Variants in ROBO2 observed in about 807,000 individuals in gnomAD.
The protein encoded by ROBO2 is roundabout homolog 2.
A neutral mutation model predicts 160.8 loss-of-function variants in ROBO2; 53 were observed. The ratio of observed to expected loss-of-function variants is 0.33; its 90% CI spans 0.26 to 0.41. ROBO2 has a LOEUF of 0.41. Among genes scored for constraint, ROBO2 ranks in the 10% least tolerant of loss-of-function variants. ROBO2 has a pLI of 1.00. For missense variants in ROBO2, 1,577 were observed against 1,722.4 expected (o/e 0.92, Z 1.49); for synonymous variants, 664 against 611.7 (o/e 1.09, Z -1.26).
At chr3:76,316,164 C>T (rs751270006) in intron 2 of ROBO2, among the ~76,000 whole-genome samples, 48 of 152,242 alleles carry the variant, frequency 3.2e-4, no homozygotes, top group Non-Finnish European at 6.9e-4. Flanking sequence ...TAACAGGAAA[C>T]AGGGTTCGAG....
At chr3:77,532,556 G>C (rs1371527030) in intron 6 of ROBO2, among the ~76,000 whole-genome samples, 1 of 151,184 alleles carries the variant, frequency 6.6e-6, no homozygotes, top group Non-Finnish European at 1.5e-5. Flanking sequence ...TTTCTTCTTA[G>C]TTATATTGGC....
At chr3:77,575,536 A>G (rs2093741087) in intron 14 of ROBO2, among the ~76,000 whole-genome samples, 1 of 152,112 alleles carries the variant, frequency 6.6e-6, no homozygotes, top group Admixed American at 6.6e-5. Context: ...TTGACCAAAG[A>G]GCTCTTAAAT....
intron 2 of ROBO2, among the ~76,000 whole-genome samples, chr3:76,303,766 T>C (rs1243546665): frequency 6.6e-6 from 1 of 152,204 alleles, no homozygotes; most frequent in Non-Finnish European, 1.5e-5. Context: ...AAATGCAGTG[T>C]AATATTAGGA....
chr3:76,667,012 C>T (rs573072745), intron 2 of ROBO2, among the ~76,000 whole-genome samples: 2 of 152,070 alleles, frequency 1.3e-5, no homozygotes, highest in East Asian at 1.9e-4. Context: ...CAGAGGAACA[C>T]GCTCATATTC....
chr3:77,050,126 T>C (rs925676546), intron 1 of ROBO2, among the ~76,000 whole-genome samples: 1 of 152,136 alleles, frequency 6.6e-6, no homozygotes, highest in African/African-American at 2.4e-5. Context: ...AGGGTTAGAG[T>C]AAATTAGGGG....
At chr3:77,634,820 T>C (rs777955533) in intron 23 of ROBO2, 50 bp from the exon 25 acceptor site, 18 of 1,542,762 alleles carry the variant, frequency 1.2e-5, no homozygotes, top group South Asian at 2.2e-5. Flanking sequence ...ACAGAATCAG[T>C]GTGCTATAAT....
intron 2 of ROBO2, among the ~76,000 whole-genome samples, chr3:77,286,848 G>A (rs552395606): frequency 6.6e-5 from 10 of 152,270 alleles, no homozygotes; most frequent in Admixed American, 5.2e-4. Flanking sequence ...TTCTGGCCAC[G>A]AGTTTGTATA....
intron 2 of ROBO2, among the ~76,000 whole-genome samples, chr3:76,392,965 T>C (rs72898523): frequency 0.063 from 9,576 of 152,226 alleles, 858 homozygotes; most frequent in African/African-American, 0.2. Flanking sequence ...AAACAAGGAT[T>C]GGCTTCCATG....
At chr3:76,653,973 G>T (rs1054356623) in intron 2 of ROBO2, among the ~76,000 whole-genome samples, 1 of 152,102 alleles carries the variant, frequency 6.6e-6, no homozygotes, top group African/African-American at 2.4e-5. Context: ...TAGAGGCAAG[G>T]CTTCCAAACT....
intron 2 of ROBO2, among the ~76,000 whole-genome samples, chr3:77,136,732 G>A (rs1355041746): frequency 6.6e-6 from 1 of 151,558 alleles, no homozygotes; most frequent in African/African-American, 2.4e-5. Context: ...CATCTCCCTG[G>A]TTCAAGTGAT....
intron 2 of ROBO2, among the ~76,000 whole-genome samples, chr3:77,233,241 A>T (rs1449806917): frequency 1.3e-5 from 2 of 152,218 alleles, no homozygotes; most frequent in Admixed American, 6.5e-5. Context: ...ATTCAGTAAT[A>T]TCAATAAGGT....
At chr3:76,529,788 T>G (rs550427757) in intron 2 of ROBO2, among the ~76,000 whole-genome samples, 1 of 152,284 alleles carries the variant, frequency 6.6e-6, no homozygotes, top group South Asian at 2.1e-4. Flanking sequence ...CTTATTCCCC[T>G]TCTCCCTCTT....
intron 2 of ROBO2, among the ~76,000 whole-genome samples, chr3:76,150,411 G>GCACACATCTGTCTAAAA (rs540130073): frequency 0.014 from 703 of 51,924 alleles, 2 homozygotes; most frequent in African/African-American, 0.026. Flanking sequence ...TCTGTCTAAA[G>GCACACATCTGTCTAAAA]CACACATCAT....
intron 2 of ROBO2, among the ~76,000 whole-genome samples, chr3:76,105,234 A>G (rs1426637301): frequency 2.0e-5 from 3 of 152,146 alleles, no homozygotes; most frequent in Non-Finnish European, 4.4e-5. Context: ...TTGGATATAA[A>G]TCCCCCTATC....
chr3:77,314,959 G>C (rs2063849600), intron 2 of ROBO2, among the ~76,000 whole-genome samples: 1 of 152,122 alleles, frequency 6.6e-6, no homozygotes, highest in Admixed American at 6.5e-5. Context: ...CTACTTGGAA[G>C]TTTCGTATTT....
At chr3:76,575,648 A>G (rs2085242234) in intron 2 of ROBO2, among the ~76,000 whole-genome samples, 1 of 152,060 alleles carries the variant, frequency 6.6e-6, no homozygotes, top group Non-Finnish European at 1.5e-5. Flanking sequence ...CAAGCAATTC[A>G]TTCTTTATCT....
At chr3:76,729,945 G>A (rs1421875425) in intron 2 of ROBO2, among the ~76,000 whole-genome samples, 3 of 152,094 alleles carry the variant, frequency 2.0e-5, no homozygotes, top group Non-Finnish European at 2.9e-5. Context: ...GCCTACACAT[G>A]TATTTCTAAG....
At chr3:76,622,241 A>AGAAAGAAAGAAAGAAAGAAAG (rs2089202555) in intron 2 of ROBO2, among the ~76,000 whole-genome samples, 2 of 37,460 alleles carry the variant, frequency 5.3e-5, no homozygotes, top group Non-Finnish European at 5.0e-5. Context: ...GAAGGAAGAA[A>AGAAAGAAAGAAAGAAAGAAAG]GAAAGAAAGA....
chr3:76,641,695 T>C (rs1389977907), intron 2 of ROBO2, among the ~76,000 whole-genome samples: 1 of 152,198 alleles, frequency 6.6e-6, no homozygotes, highest in Non-Finnish European at 1.5e-5. Context: ...GATATGGTAA[T>C]TTTAACTTCT....
Sources: allele counts gnomAD v4.1 joint callset (sites outside exome capture counted in the v4.1 genomes callset), GRCh38; gene constraint gnomAD v4.1.1; transcripts MANE v1.5; gene names NCBI Gene and HGNC (gene_info 2026-07-23, HGNC 2026-07-21).